CCDC91: variants seen among roughly 807,000 people sequenced by gnomAD.
The protein encoded by CCDC91 is coiled-coil domain-containing protein 91.
CCDC91 carries 48 observed loss-of-function variants against 63.2 expected under a neutral mutation model. That is an observed-to-expected ratio of 0.76 (90% CI 0.60 to 0.97). The LOEUF is 0.97. Ranked by LOEUF, CCDC91 falls within the 50% of genes least tolerant of loss-of-function variation. The pLI is 0.00. For missense variants in CCDC91, 500 were observed against 494.6 expected, an observed-to-expected ratio of 1.01 and a Z score of -0.10; for synonymous variants, 167 against 165.8, an observed-to-expected ratio of 1.01 and a Z score of -0.06.
At chr12:28,277,203 CT>C (rs1396641065) in intron 3 of CCDC91, among the ~76,000 whole-genome samples, 1 of 151,916 alleles carries the variant, frequency 6.6e-6, no homozygotes. Flanking sequence ...AACTGACCTT[CT>C]TCATAGTATT....
intron 1 of CCDC91, among the ~76,000 whole-genome samples, chr12:28,252,856 A>G (rs1384562974): frequency 6.6e-6 from 1 of 152,164 alleles, no homozygotes; most frequent in African/African-American, 2.4e-5. Flanking sequence ...AAACACTTAT[A>G]TAATGCTTAG....
Position 28,350,361 on chromosome 12 carries a change from T to C in CCDC91, c.577-12077T>C, listed in dbSNP as rs1041510526. Reference sequence around the variant, plus strand: ...GAGAGGTAATTTAGACAAATAATTATTTTTAGATGATTAATTTAGACAAGT... The same window carrying C: ...GAGAGGTAATTTAGACAAATAATTACTTTTAGATGATTAATTTAGACAAGT... On this transcript the variant is annotated intron_variant, in intron 6 of 12. Transcript: ENST00000536442. 3.3e-5 allele frequency among the ~76,000 whole-genome samples: 5 copies of C among 152,222 alleles called. No individual in the cohort carries two copies. In the South Asian group the frequency reaches 1.0e-3, roughly 32 times the overall value.
At chr12:28,282,257 G>T (rs1948655714) in intron 3 of CCDC91, among the ~76,000 whole-genome samples, 3 of 152,094 alleles carry the variant, frequency 2.0e-5, no homozygotes, top group South Asian at 4.1e-4. Flanking sequence ...GATGATTTAA[G>T]GAGCATTGGG....
chr12:28,211,487 CTTT>C (rs1297669498), intron 1 of CCDC91, among the ~76,000 whole-genome samples: 1 of 152,108 alleles, frequency 6.6e-6, no homozygotes, highest in East Asian at 1.9e-4. Context: ...ATCCCTAAAT[CTTT>C]TTTAGAAGCT....
chr12:28,386,820 A>T (rs1211684964), intron 7 of CCDC91, among the ~76,000 whole-genome samples: 1 of 152,210 alleles, frequency 6.6e-6, no homozygotes, highest in Non-Finnish European at 1.5e-5. Context: ...ATTCTTTTAT[A>T]TATAGAATAT....
intron 1 of CCDC91, among the ~76,000 whole-genome samples, chr12:28,214,581 TTG>T (rs58203446): frequency 0.26 from 39,537 of 151,510 alleles, 5,402 homozygotes; most frequent in Non-Finnish European, 0.31. Context: ...TTTGTTATGT[TTG>T]TGTGTGTGTG....
At chr12:28,309,775 C>G (rs148733014) in intron 6 of CCDC91, among the ~76,000 whole-genome samples, 1 of 152,108 alleles carries the variant, frequency 6.6e-6, no homozygotes, top group African/African-American at 2.4e-5. Flanking sequence ...ACAGCTCTCG[C>G]TGAACTCTAG....
At chr12:28,233,960 G>A (rs1237759856) in intron 1 of CCDC91, among the ~76,000 whole-genome samples, 2 of 151,998 alleles carry the variant, frequency 1.3e-5, no homozygotes, top group Non-Finnish European at 2.9e-5. Flanking sequence ...CCATTTTAAA[G>A]TGTACAGTTC....
At chr12:28,438,119 G>A (rs1298842811) in intron 8 of CCDC91, among the ~76,000 whole-genome samples, 3 of 152,260 alleles carry the variant, frequency 2.0e-5, no homozygotes, top group East Asian at 3.9e-4. Flanking sequence ...CAGTTTGCAA[G>A]TGTGCATTAA....
In CCDC91 at chr12:28,304,725, A is replaced by G. The variant is rs115756933; in HGVS notation, c.110-924A>G. 6.4e-4 allele frequency: 709 copies of G among 1,104,882 alleles called. 9 individuals carry two copies. In the African/African-American group the frequency reaches 1.0e-2, roughly 16 times the overall value. The allele number at this position is 1,104,882 out of a possible 1,614,324, so 68.4% of individuals were successfully genotyped here. ...TGTGGAATAAAGGTCTTTATAGTTTAGAAAGTTAAAATGTATAAATGGGCT... is the reference window on the plus strand; with the variant it reads ...TGTGGAATAAAGGTCTTTATAGTTTGGAAAGTTAAAATGTATAAATGGGCT... On this transcript the variant is annotated intron_variant, in intron 3 of 12. Coordinates refer to ENST00000536442, the MANE Select transcript of CCDC91 (RefSeq NM_018318.5).
At chr12:28,338,951 C>T (rs1942215210) in intron 6 of CCDC91, among the ~76,000 whole-genome samples, 1 of 152,118 alleles carries the variant, frequency 6.6e-6, no homozygotes, top group African/African-American at 2.4e-5. Flanking sequence ...AGCAATTCTC[C>T]TGCCTCAGCC....
intron 12 of CCDC91, among the ~76,000 whole-genome samples, chr12:28,512,366 G>A (rs1939468672): frequency 6.6e-6 from 1 of 151,756 alleles, no homozygotes; most frequent in African/African-American, 2.4e-5. Flanking sequence ...ACAGAAATAA[G>A]TGCATTCCAA....
intron 6 of CCDC91, among the ~76,000 whole-genome samples, chr12:28,356,070 G>A (rs1943506394): frequency 5.3e-5 from 8 of 151,860 alleles, no homozygotes; most frequent in Admixed American, 5.2e-4. Flanking sequence ...GAATTAGTTT[G>A]TGAGACTGGG....
chr12:28,216,316 G>A (rs1385147540), intron 1 of CCDC91, among the ~76,000 whole-genome samples: 1 of 151,892 alleles, frequency 6.6e-6, no homozygotes, highest in Non-Finnish European at 1.5e-5. Context: ...AGCTTTTGTT[G>A]GTTCTTAGCT....
chr12:28,218,423 A>G (rs1429950504), intron 1 of CCDC91, among the ~76,000 whole-genome samples: 1 of 151,938 alleles, frequency 6.6e-6, no homozygotes, highest in Non-Finnish European at 1.5e-5. Context: ...TGTATAAACA[A>G]TTAAAATCAC....
intron 11 of CCDC91, among the ~76,000 whole-genome samples, chr12:28,464,756 A>C (rs1182323007): frequency 6.6e-6 from 1 of 152,152 alleles, no homozygotes; most frequent in Admixed American, 6.6e-5. Context: ...GATGAGGCTC[A>C]GTACATTCCC....
At chr12:28,499,033 T>A (rs543480959) in intron 12 of CCDC91, among the ~76,000 whole-genome samples, 5 of 148,316 alleles carry the variant, frequency 3.4e-5, no homozygotes, top group Non-Finnish European at 6.1e-5. Context: ...TAACTCTGTT[T>A]GTTCAAATTC....
chr12:28,300,184 A>G (rs561226236), intron 3 of CCDC91, among the ~76,000 whole-genome samples: 7 of 151,534 alleles, frequency 4.6e-5, no homozygotes, highest in Non-Finnish European at 8.9e-5. Context: ...CTCCTAGGGT[A>G]TATGATCTCA....
intron 12 of CCDC91, among the ~76,000 whole-genome samples, chr12:28,512,511 A>G (rs1289293935): frequency 6.6e-6 from 1 of 151,916 alleles, no homozygotes; most frequent in African/African-American, 2.4e-5. Flanking sequence ...AACATGGCGA[A>G]TGGGCCAAAT....
Sources: gnomAD v4.1 joint callset for allele counts (sites outside exome capture counted in the v4.1 genomes callset) on GRCh38, gnomAD v4.1.1 for gene constraint, MANE v1.5 for transcripts, NCBI Gene and HGNC (gene_info 2026-07-23, HGNC 2026-07-21) for gene names.